The following PARD3B variants were observed in gnomAD, a reference collection of about 807,000 sequenced individuals.
PARD3B encodes the protein partitioning defective 3 homolog B.
Under a neutral mutation model 130.2 loss-of-function variants are expected in PARD3B, and 103 were observed. That is an observed-to-expected ratio of 0.79 (90% CI 0.67 to 0.93). The LOEUF is 0.93. Among genes scored for constraint, PARD3B ranks in the 40% least tolerant of loss-of-function variants. PARD3B has a pLI of 0.00. For synonymous variants in PARD3B, 583 were observed against 553.2 expected, an observed-to-expected ratio of 1.05 and a Z score of -0.76; for missense variants, 1,609 against 1,499.2, an observed-to-expected ratio of 1.07 and a Z score of -1.21.
intron 2 of PARD3B, among the ~76,000 whole-genome samples, chr2:204,854,045 A>G (rs1228661453): frequency 6.6e-6 from 1 of 152,138 alleles, no homozygotes; most frequent in Non-Finnish European, 1.5e-5. Flanking sequence ...TTTGGTAGAG[A>G]GAGGAGCATT....
At chr2:204,663,885 A>G (rs963295242) in intron 1 of PARD3B, among the ~76,000 whole-genome samples, 1 of 152,220 alleles carries the variant, frequency 6.6e-6, no homozygotes, top group Non-Finnish European at 1.5e-5. Context: ...TCATGCCCCC[A>G]TGATTTTAAA....
chr2:205,331,530 C>T (rs2043129094), intron 18 of PARD3B, among the ~76,000 whole-genome samples: 1 of 151,942 alleles, frequency 6.6e-6, no homozygotes, highest in South Asian at 2.1e-4. Flanking sequence ...ACCTGTAAGC[C>T]CAGCACTTTG....
chr2:204,890,447 AAT>A lies in PARD3B; in HGVS notation c.223-74700_223-74699del, dbSNP rs1320405307. On this transcript the variant is annotated intron_variant, in intron 2 of 22. Transcript: ENST00000406610. This position sits in a 1 kb window ranked among gnomAD's most constrained non-coding sequence, Gnocchi z 4.9. ...AGGGTGGGAGTATCTCAGTTGATGA[AAT>A]ATATGCTTCTGACCAAAACATGTAT... 1.3e-5 allele frequency among the ~76,000 whole-genome samples: 2 copies of A among 152,186 alleles called. No homozygotes were observed. The highest frequency in any genetic ancestry group is 4.8e-5 in the African/African-American group (2 of 41,432).
chr2:205,372,360 T>C (rs60335719), intron 18 of PARD3B, among the ~76,000 whole-genome samples: 2 of 152,200 alleles, frequency 1.3e-5, no homozygotes, highest in Non-Finnish European at 2.9e-5. Flanking sequence ...CTTAGTAGTT[T>C]TGAAGTGGTT....
At chr2:205,216,227 A>G (rs2037902001) in intron 15 of PARD3B, among the ~76,000 whole-genome samples, 3 of 152,164 alleles carry the variant, frequency 2.0e-5, no homozygotes. Context: ...TAGGTACCAT[A>G]GGCTAGGCCA....
At chr2:204,728,800 A>G (rs1226699959) in intron 2 of PARD3B, among the ~76,000 whole-genome samples, 1 of 152,166 alleles carries the variant, frequency 6.6e-6, no homozygotes, top group Non-Finnish European at 1.5e-5. Flanking sequence ...CTGCTTTTTC[A>G]GTTGTCTTTT....
chr2:204,859,140 A>G (rs1379778531), intron 2 of PARD3B, among the ~76,000 whole-genome samples: 1 of 152,164 alleles, frequency 6.6e-6, no homozygotes, highest in Non-Finnish European at 1.5e-5. Flanking sequence ...AATATTTAAT[A>G]GCCAATTTTT....
At chr2:204,861,684 T>C (rs2045209434) in intron 2 of PARD3B, among the ~76,000 whole-genome samples, 1 of 152,066 alleles carries the variant, frequency 6.6e-6, no homozygotes, top group Admixed American at 6.6e-5. Context: ...CCTTACATAA[T>C]TTTCTGTCAG....
At chr2:205,223,913 T>C (rs1398005808) in intron 15 of PARD3B, among the ~76,000 whole-genome samples, 3 of 152,258 alleles carry the variant, frequency 2.0e-5, no homozygotes, top group South Asian at 2.1e-4. Context: ...ATTTATCCTG[T>C]CATTGTATTA....
At chr2:205,414,888 A>G (rs1274932326) in intron 19 of PARD3B, among the ~76,000 whole-genome samples, 2 of 152,116 alleles carry the variant, frequency 1.3e-5, no homozygotes, top group Non-Finnish European at 1.5e-5. Flanking sequence ...TTTAAAAAAA[A>G]GTAAAATTTT....
chr2:204,764,462 T>A (rs2041047049), intron 2 of PARD3B, among the ~76,000 whole-genome samples: 1 of 152,156 alleles, frequency 6.6e-6, no homozygotes, highest in Non-Finnish European at 1.5e-5. Flanking sequence ...GCAGCTTGAT[T>A]TCTAAGCTCG....
At chr2:204,908,392 A>G (rs1437140881) in intron 2 of PARD3B, among the ~76,000 whole-genome samples, 1 of 152,186 alleles carries the variant, frequency 6.6e-6, no homozygotes, top group Non-Finnish European at 1.5e-5. Context: ...TTGAACCCAA[A>G]TACCACATTT....
chr2:205,479,895 ATTTTTTTTTTTT>A (rs71032475), intron 20 of PARD3B, among the ~76,000 whole-genome samples: 69,769 of 129,912 alleles, frequency 0.54, 17,767 homozygotes, highest in Admixed American at 0.65. Context: ...GCCATATGCA[ATTTTTTTTTTTT>A]TTTTTTTTTT....
rs2052735022 is a variant in PARD3B at position 205,553,380 on chromosome 2, G to T, written c.3237G>T (p.Glu1079Asp). Residue 1079 changes from glutamate (E) to aspartate (D), a missense_variant, in exon 22 of 23, where the codon GAG (glutamate) becomes GAT (aspartate). Transcript: ENST00000406610. ...NAHNLRFEGM[E>D]RQYASLPRGG... ...ACAACCTCCGCTTTGAAGGGATGGA[G>T]AGGCAGTACGCATCCTTACCCAGGT... 1.2e-6 allele frequency: 2 copies of T among 1,614,048 alleles called. No homozygotes were observed. Among genetic ancestry groups the T allele is most frequent in the South Asian group, 2.2e-5 (2 of 91,076 alleles).
intron 1 of PARD3B, 70 bp downstream of exon 1, chr2:204,546,189 C>T: frequency 6.5e-7 from 1 of 1,541,550 alleles, no homozygotes; most frequent in South Asian, 1.2e-5. Context: ...CCGGTGGCGA[C>T]ACTCAGGGGA....
chr2:205,036,240 TATAA>T (rs1697865569), intron 3 of PARD3B, among the ~76,000 whole-genome samples: 1 of 145,788 alleles, frequency 6.9e-6, no homozygotes. Context: ...GGGCTATATA[TATAA>T]ATATATGTAT....
chr2:204,927,444 A>G (rs1437309125), intron 2 of PARD3B, among the ~76,000 whole-genome samples: 2 of 152,166 alleles, frequency 1.3e-5, no homozygotes, highest in Non-Finnish European at 2.9e-5. Flanking sequence ...TGGCACCTTT[A>G]TCTCAGACTT....
At chr2:204,577,854 C>A (rs1053377326) in intron 1 of PARD3B, among the ~76,000 whole-genome samples, 3 of 152,162 alleles carry the variant, frequency 2.0e-5, no homozygotes, top group African/African-American at 7.2e-5. Flanking sequence ...AGACATCAGC[C>A]ACTGTGCCCA....
chr2:204,627,050 T>G (rs1308331711), intron 1 of PARD3B, among the ~76,000 whole-genome samples: 2 of 152,074 alleles, frequency 1.3e-5, no homozygotes, highest in African/African-American at 2.4e-5. Context: ...GATGTGGTGG[T>G]TTTGTAAGTG....
Sources: gnomAD v4.1 joint callset for allele counts (sites outside exome capture counted in the v4.1 genomes callset) on GRCh38, gnomAD v4.1.1 for gene constraint, Gnocchi (gnomAD v3.1) non-coding constraint, MANE v1.5 for transcripts, NCBI Gene and HGNC (gene_info 2026-07-23, HGNC 2026-07-21) for gene names.